KIAA1217: variants seen among roughly 807,000 people sequenced by gnomAD.
KIAA1217 encodes the protein KIAA1217, also known as sickle tail protein homolog.
Under a neutral mutation model 163.9 loss-of-function variants are expected in KIAA1217, and 88 were observed. The ratio of observed to expected loss-of-function variants is 0.54; its 90% confidence interval spans 0.45 to 0.64. KIAA1217 has a LOEUF of 0.64. KIAA1217 is among the 30% of genes least tolerant of loss of function. The pLI is 0.00. For missense variants in KIAA1217, 2,372 were observed against 2,475.0 expected (o/e 0.96, Z 0.88); for synonymous variants, 903 against 923.1 (o/e 0.98, Z 0.39).
rs372861746 is a variant in KIAA1217 at position 24,482,328 on chromosome 10, A to G, written c.1679+8268A>G. 37 of 152,376 alleles carry G rather than the reference A, an allele frequency of 2.4e-4. No individual in the cohort carries two copies. In the East Asian group the frequency reaches 6.5e-3, roughly 27 times the overall value. The allele number at this position is 152,376 out of a possible 1,614,324, so 9.4% of individuals were successfully genotyped here. On this transcript the variant is annotated intron_variant, in intron 6 of 20. Transcript: ENST00000376454. ...AATCAGAAGCCCTAAGTCTGAGACC[A>G]GAAACTTAAGCCAGAAAAAACTAAA... is the stretch of plus-strand genomic sequence containing the variant.
intron 2 of KIAA1217, among the ~76,000 whole-genome samples, chr10:24,181,529 T>A (rs1183658169): frequency 6.6e-6 from 1 of 152,162 alleles, no homozygotes; most frequent in Non-Finnish European, 1.5e-5. Context: ...GAGGCCATGA[T>A]AAGGAGTTTG....
chr10:23,911,666 C>T lies in KIAA1217; in HGVS notation c.-320-95559C>T, dbSNP rs187822568. Among the ~76,000 whole-genome samples the T allele has an allele frequency of 4.0e-3, 612 of 152,280 alleles. 3 individuals carry two copies. Among genetic ancestry groups the T allele is most frequent in the African/African-American group, 0.014 (598 of 41,566 alleles). ...GTATTTGGCAAAACTGGACTGGCAT[C>T]ACCCAGTGGTTTAGCAAAGCATTTG... is the stretch of plus-strand genomic sequence containing the variant. On this transcript the variant is annotated intron_variant, in intron 1 of 18. Transcript: ENST00000376462.
At chr10:24,432,705 A>C (rs908236910) in intron 3 of KIAA1217, among the ~76,000 whole-genome samples, 2 of 151,716 alleles carry the variant, frequency 1.3e-5, no homozygotes, top group Non-Finnish European at 2.9e-5. Flanking sequence ...TCCTCTTGCC[A>C]TGGCCTCCCA....
At chr10:23,829,242 T>C (rs1418907532) in intron 1 of KIAA1217, among the ~76,000 whole-genome samples, 1 of 152,192 alleles carries the variant, frequency 6.6e-6, no homozygotes, top group South Asian at 2.1e-4. Context: ...TTGATTGAGT[T>C]ATGAAAACAA....
intron 1 of KIAA1217, among the ~76,000 whole-genome samples, chr10:23,995,479 TG>T (rs1846429770): frequency 6.6e-6 from 1 of 151,100 alleles, no homozygotes; most frequent in Non-Finnish European, 1.5e-5. Context: ...TGTGTGTGTG[TG>T]TGAGTGTGTG....
intron 11 of KIAA1217, among the ~76,000 whole-genome samples, chr10:24,521,508 C>T (rs2071273684): frequency 6.6e-6 from 1 of 151,984 alleles, no homozygotes; most frequent in African/African-American, 2.4e-5. Context: ...CCCTGTCAGC[C>T]AGTCAAATTA....
intron 2 of KIAA1217, among the ~76,000 whole-genome samples, chr10:24,096,746 C>G (rs953431503): frequency 3.9e-5 from 6 of 152,220 alleles, no homozygotes; most frequent in African/African-American, 1.4e-4. Context: ...GCTGAAATGC[C>G]ACTTCTGCCT....
chr10:24,375,562 A>T lies in KIAA1217; in HGVS notation c.355-5307A>T, dbSNP rs568087193. ...TAGAATGTTCTCTTCAACTGAAATCAGAATTTTGACTGGGTTTGAGTTGAA... is the reference window on the plus strand; with the variant it reads ...TAGAATGTTCTCTTCAACTGAAATCTGAATTTTGACTGGGTTTGAGTTGAA... On this transcript the variant is annotated intron_variant, in intron 2 of 20. Transcript: ENST00000376454. Among the ~76,000 whole-genome samples the T allele has an allele frequency of 2.0e-5, 3 of 152,360 alleles. No homozygotes were observed. In the East Asian group the frequency reaches 5.8e-4, roughly 29 times the overall value.
At chr10:24,466,515 A>C in intron 5 of KIAA1217, 1 of 985,240 alleles carries the variant, frequency 1.0e-6, no homozygotes, top group Non-Finnish European at 1.2e-6. Context: ...ATCACGGGGA[A>C]GGTTACTTTT....
chr10:23,847,604 T>A (rs1416755284), intron 1 of KIAA1217, among the ~76,000 whole-genome samples: 1 of 152,160 alleles, frequency 6.6e-6, no homozygotes, highest in Non-Finnish European at 1.5e-5. Context: ...GATTCTTCTC[T>A]CTTTTCTTCT....
intron 2 of KIAA1217, among the ~76,000 whole-genome samples, chr10:24,124,821 T>G (rs1449653035): frequency 2.0e-5 from 3 of 152,244 alleles, no homozygotes; most frequent in Admixed American, 6.5e-5. Flanking sequence ...AAATTTAGTT[T>G]GCTAACATTT....
intron 5 of KIAA1217, chr10:24,449,750 C>T (rs941137505): frequency 3.0e-6 from 3 of 985,132 alleles, no homozygotes; most frequent in Non-Finnish European, 3.6e-6. Context: ...AAGAAAGGCT[C>T]ACGGAAAATG....
At chr10:24,438,201 TTTC>T (rs1407339085) in intron 4 of KIAA1217, among the ~76,000 whole-genome samples, 182 bp from the exon 5 acceptor site, 1 of 152,112 alleles carries the variant, frequency 6.6e-6, no homozygotes, top group Non-Finnish European at 1.5e-5. Context: ...TGAAGTCATT[TTTC>T]TTCTTCTTTT....
chr10:24,251,537 T>TA (rs879704964), intron 2 of KIAA1217, among the ~76,000 whole-genome samples: 5 of 151,948 alleles, frequency 3.3e-5, no homozygotes, highest in Non-Finnish European at 7.4e-5. Flanking sequence ...ATCCTGATTT[T>TA]AAAAAATCAG....
chr10:24,170,591 G>A (rs1028359292), intron 2 of KIAA1217, among the ~76,000 whole-genome samples: 2 of 152,094 alleles, frequency 1.3e-5, no homozygotes, highest in Non-Finnish European at 2.9e-5. Flanking sequence ...ATATAGAGAG[G>A]ACAAAGGCAG....
intron 2 of KIAA1217, among the ~76,000 whole-genome samples, chr10:24,282,206 A>T (rs375490516): frequency 7.3e-5 from 11 of 151,572 alleles, no homozygotes; most frequent in Admixed American, 5.9e-4. Context: ...CCTCTACAAA[A>T]TTTTTTTTTC....
chr10:23,848,226 G>C (rs969280628), intron 1 of KIAA1217, among the ~76,000 whole-genome samples: 2 of 151,962 alleles, frequency 1.3e-5, no homozygotes, highest in Non-Finnish European at 2.9e-5. Context: ...TGTCTATTTG[G>C]TCCACTTGGT....
intron 2 of KIAA1217, among the ~76,000 whole-genome samples, chr10:24,114,073 G>T (rs1158738544): frequency 6.6e-6 from 1 of 152,118 alleles, no homozygotes; most frequent in Non-Finnish European, 1.5e-5. Context: ...GATCAACATG[G>T]ATGCATCCTG....
chr10:23,959,676 T>C (rs1844733709), intron 1 of KIAA1217, among the ~76,000 whole-genome samples: 1 of 151,784 alleles, frequency 6.6e-6, no homozygotes, highest in South Asian at 2.1e-4. Flanking sequence ...TGATGAAGAG[T>C]GGACAGTCCA....
Sources: gnomAD v4.1 joint callset for allele counts (sites outside exome capture counted in the v4.1 genomes callset) on GRCh38, gnomAD v4.1.1 for gene constraint, MANE v1.5 for transcripts, NCBI Gene and HGNC (gene_info 2026-07-23, HGNC 2026-07-21) for gene names.